The following RASL12 variants were observed in gnomAD, a reference collection of about 807,000 sequenced individuals.
RASL12 encodes ras-like protein family member 12.
RASL12 carries 16 observed loss-of-function variants against 22.9 expected under a neutral mutation model. The observed-to-expected ratio is 0.70, with a 90% CI of 0.47 to 1.06. RASL12 has a LOEUF of 1.06. RASL12 is among the 50% of genes least tolerant of loss of function. The pLI, the probability that RASL12 is intolerant of heterozygous loss-of-function variation, is 0.00. For synonymous variants in RASL12, 159 were observed against 152.2 expected (o/e 1.04, Z -0.33); for missense variants, 306 against 353.1 (o/e 0.87, Z 1.07).
rs756878198 is a variant in RASL12 at position 65,059,334 on chromosome 15, G to A, written c.234+11C>T. 3.1e-6 allele frequency: 5 copies of A among 1,611,144 alleles called. No homozygotes were observed. In the South Asian group the frequency reaches 5.5e-5, roughly 18 times the overall value. ...CTCACAGCAGTGCATAGGTAATGGA[G>A]GTAATGTTACCAGGTCTGCAGTGTC... On this transcript the variant is annotated intron_variant, in intron 3 of 4. Coordinates refer to ENST00000220062, the MANE Select transcript of RASL12 (RefSeq NM_016563.4).
At chr15:65,056,255 G>A (rs1005032950) in intron 4 of RASL12, among the ~76,000 whole-genome samples, 2 of 152,150 alleles carry the variant, frequency 1.3e-5, no homozygotes, top group East Asian at 1.9e-4. Context: ...GGAGGCACTC[G>A]AGTGGGCCAT....
upstream of RASL12, chr15:65,068,135 G>A: frequency 9.8e-7 from 1 of 1,019,906 alleles, no homozygotes; most frequent in Non-Finnish European, 1.2e-6. The surrounding 1 kb of genome is among the most constrained non-coding windows in gnomAD (Gnocchi z 4.2). Flanking sequence ...CCTGCCGGCC[G>A]CGCCCCCACC....
At chr15:65,052,399 CTTTTTTTTT>C (rs34021026), downstream of RASL12, among the ~76,000 whole-genome samples, 1 of 76,346 alleles carries the variant, frequency 1.3e-5, no homozygotes, top group African/African-American at 5.0e-5. Context: ...GCATCCTTGG[CTTTTTTTTT>C]TTTTTTTTTT....
upstream of RASL12, among the ~76,000 whole-genome samples, chr15:65,071,839 A>C (rs1185067257): frequency 6.6e-6 from 1 of 152,112 alleles, no homozygotes; most frequent in African/African-American, 2.4e-5. Context: ...CCCTGCCCCC[A>C]GCAGAAGGCA....
chr15:65,067,800 G>A lies in RASL12; in HGVS notation c.36C>T (p.Ser12=). The A allele has an allele frequency of 6.3e-7, 1 of 1,576,480 alleles. No individual in the cohort carries two copies. Among genetic ancestry groups the A allele is most frequent in the Non-Finnish European group, 8.6e-7 (1 of 1,164,816 alleles). The change falls in exon 1 of 5, where the codon AGC becomes AGT. Residue 12 remains serine, a synonymous_variant. Transcript: ENST00000220062. ...CCTCGAGGGGCGCGCTCTGAGGCCC[G>A]CTGCCCGCGCGGGGTTTTCCAAACA... The part of the protein sequence containing the change: ...SSVFGKPRAG[S]GPQSAPLEVN...
At chr15:65,074,031 T>C (rs1218019075) in intron 1 of RASL12, among the ~76,000 whole-genome samples, 4 of 152,218 alleles carry the variant, frequency 2.6e-5, no homozygotes, top group Non-Finnish European at 5.9e-5. Context: ...TCAGGGGCTT[T>C]ATGGGATGCT....
chr15:65,068,113 A>T (rs2086903665), upstream of RASL12: 8 of 1,035,872 alleles, frequency 7.7e-6, no homozygotes, highest in Non-Finnish European at 9.3e-6. The surrounding 1 kb of genome is among the most constrained non-coding windows in gnomAD (Gnocchi z 4.2). Flanking sequence ...CTCCTGGAGC[A>T]GGGAGGGAGC....
chr15:65,053,205 T>C (rs2086678980), downstream of RASL12: 2 of 1,608,520 alleles, frequency 1.2e-6, no homozygotes, highest in African/African-American at 1.3e-5. Context: ...AGACACATGA[T>C]GTGGGCTCAG....
intron 1 of RASL12, among the ~76,000 whole-genome samples, chr15:65,073,835 G>GT (rs1384706805): frequency 1.3e-5 from 2 of 152,180 alleles, no homozygotes; most frequent in Non-Finnish European, 2.9e-5. Context: ...TGGGATTGTT[G>GT]TAAGGACTTA....
At chr15:65,068,200 G>A, upstream of RASL12, 1 of 993,818 alleles carries the variant, frequency 1.0e-6, no homozygotes, top group Non-Finnish European at 1.2e-6. This position sits in a 1 kb window ranked among gnomAD's most constrained non-coding sequence, Gnocchi z 4.2. Context: ...CCCCAAACCC[G>A]GCCGGGAAGG....
At chr15:65,053,193 C>T, downstream of RASL12, 1 of 1,611,540 alleles carries the variant, frequency 6.2e-7, no homozygotes, top group Non-Finnish European at 8.5e-7. Flanking sequence ...CCATCCTAAG[C>T]CAGACACATG....
downstream of RASL12, chr15:65,050,015 G>A (rs1241676717): frequency 6.4e-7 from 1 of 1,551,468 alleles, no homozygotes; most frequent in Admixed American, 2.0e-5. Context: ...ATGGAGCACA[G>A]TGAGGGGGCT....
At chr15:65,060,402 C>T (rs1485124232) in intron 2 of RASL12, among the ~76,000 whole-genome samples, 2 of 152,186 alleles carry the variant, frequency 1.3e-5, no homozygotes, top group Non-Finnish European at 2.9e-5. Flanking sequence ...GTGTCATCAC[C>T]TTACATAACC....
chr15:65,050,216 C>T (rs761475809), downstream of RASL12: 22 of 809,270 alleles, frequency 2.7e-5, no homozygotes, highest in Non-Finnish European at 4.0e-5. Flanking sequence ...ACATTTCCTC[C>T]AAGACAGGGA....
upstream of RASL12, among the ~76,000 whole-genome samples, chr15:65,070,111 T>TA (rs1293741649): frequency 6.6e-6 from 1 of 151,968 alleles, no homozygotes; most frequent in South Asian, 2.1e-4. Context: ...CAGACGCATA[T>TA]AAAAAAATTA....
At chr15:65,050,834 T>A (rs2086641579), downstream of RASL12, among the ~76,000 whole-genome samples, 1 of 13,086 alleles carries the variant, frequency 7.6e-5, no homozygotes, top group South Asian at 6.8e-3. Flanking sequence ...CTTCTTCTTC[T>A]TCTTTTTTTT....
upstream of RASL12, among the ~76,000 whole-genome samples, chr15:65,071,291 A>C (rs150234291): frequency 3.3e-3 from 505 of 152,114 alleles, 4 homozygotes; most frequent in Middle Eastern, 0.01. Context: ...CCCATCCCCA[A>C]CCTCACACAG....
rs1280198915 is a variant in RASL12, at chr15:65,055,053, A to T, written c.647T>A (p.Leu216Gln). The T allele has an allele frequency of 4.3e-6, 7 of 1,613,628 alleles. No homozygotes were observed. The stretch of plus-strand genomic sequence containing the variant: ...GAGCGTGTTGAAGGTGCAGCTGGCC[A>T]GCCCATGCCGCGCGGTGAGCGGGGC... ...HQAPLTARHG[L>Q]ASCTFNTLST... is the part of the protein sequence containing the mutation. Residue 216 changes from leucine (L) to glutamine (Q), a missense_variant, in exon 5 of 5, where the codon CTG becomes CAG. Physicochemically the swap from Leu to Gln is moderately radical, Grantham distance 113. Coordinates refer to ENST00000220062, the MANE Select transcript of RASL12 (RefSeq NM_016563.4).
upstream of RASL12, chr15:65,068,342 G>A (rs182133252): frequency 1.8e-4 from 172 of 965,146 alleles, no homozygotes; most frequent in African/African-American, 2.8e-3. The surrounding 1 kb of genome is among the most constrained non-coding windows in gnomAD (Gnocchi z 4.2). Context: ...AGCCAGCCCC[G>A]CCTCCTCCTC....
Sources: gnomAD v4.1 joint callset for allele counts (sites outside exome capture counted in the v4.1 genomes callset) on GRCh38, gnomAD v4.1.1 for gene constraint, Gnocchi (gnomAD v3.1) non-coding constraint, MANE v1.5 for transcripts, NCBI Gene and HGNC (gene_info 2026-07-23, HGNC 2026-07-21) for gene names.